KCNK5: variants seen among roughly 807,000 people sequenced by gnomAD.
KCNK5 encodes potassium channel subfamily K member 5.
In KCNK5, 18 loss-of-function variants were observed where a neutral mutation model predicts 32.9. That is an observed-to-expected ratio of 0.55 (90% confidence interval 0.38 to 0.81). KCNK5 has a LOEUF of 0.81. Ranked by LOEUF, KCNK5 falls within the 30% of genes least tolerant of loss-of-function variation. The pLI is 0.00. For synonymous variants in KCNK5, 276 were observed against 275.3 expected (o/e 1.00, Z -0.03); for missense variants, 507 against 651.0 (o/e 0.78, Z 2.41).
intron 1 of KCNK5, among the ~76,000 whole-genome samples, chr6:39,204,817 C>T (rs962412021): frequency 6.6e-6 from 1 of 152,244 alleles, no homozygotes; most frequent in Non-Finnish European, 1.5e-5. Flanking sequence ...GGGCTTCCCC[C>T]AGCCTGCCCT....
At chr6:39,217,252 A>T (rs1272123107) in intron 1 of KCNK5, among the ~76,000 whole-genome samples, 10 of 151,276 alleles carry the variant, frequency 6.6e-5, no homozygotes, top group Non-Finnish European at 2.9e-5. Flanking sequence ...GCTGACTGGG[A>T]TCAACGGCAG....
intron 1 of KCNK5, among the ~76,000 whole-genome samples, chr6:39,200,687 T>C (rs1200126104): frequency 1.3e-5 from 2 of 152,194 alleles, no homozygotes; most frequent in African/African-American, 4.8e-5. Context: ...TCTGACCAGC[T>C]CTCATGCTGT....
chr6:39,226,082 GA>G (rs1403901800), intron 1 of KCNK5, among the ~76,000 whole-genome samples: 17 of 152,238 alleles, frequency 1.1e-4, no homozygotes, highest in Admixed American at 5.2e-4. Context: ...TACATGGCTT[GA>G]TGGGTAAATG....
intron 1 of KCNK5, among the ~76,000 whole-genome samples, chr6:39,197,557 T>A (rs764186015): frequency 2.0e-5 from 3 of 152,222 alleles, no homozygotes; most frequent in Non-Finnish European, 4.4e-5. Context: ...CATTTCAATG[T>A]GAAATGGCTA....
intron 1 of KCNK5, among the ~76,000 whole-genome samples, chr6:39,202,296 C>T (rs1294126766): frequency 2.6e-5 from 4 of 152,198 alleles, no homozygotes; most frequent in African/African-American, 9.7e-5. Context: ...CTAAATTCAT[C>T]AGTTAAACAA....
chr6:39,217,956 G>T (rs868702963), intron 1 of KCNK5, among the ~76,000 whole-genome samples: 1 of 152,130 alleles, frequency 6.6e-6, no homozygotes. Flanking sequence ...TGGTGCTCAA[G>T]ATCACAGGAA....
intron 1 of KCNK5, among the ~76,000 whole-genome samples, chr6:39,214,831 A>G (rs73731728): frequency 0.031 from 4,718 of 152,278 alleles, 138 homozygotes; most frequent in African/African-American, 0.08. Context: ...ACCTTGAAGC[A>G]CACAGGCCCT....
In KCNK5 at chr6:39,191,840, G is replaced by T; in HGVS notation, c.635-85C>A. On this transcript the variant is annotated intron_variant, in intron 4 of 4. Transcript: ENST00000359534. The surrounding 1 kb of genome is among the most constrained non-coding windows in gnomAD (Gnocchi z 5.8). Reference sequence around the variant, plus strand: ...TGGCCAATGCTGTGTGATCTGAGCAGGGGTCAGGCCAGAGCACAGGACGGG... The same window carrying T: ...TGGCCAATGCTGTGTGATCTGAGCATGGGTCAGGCCAGAGCACAGGACGGG... 1 of 1,455,202 alleles carries T rather than the reference G, an allele frequency of 6.9e-7. No individual in the cohort carries two copies. Among genetic ancestry groups the T allele is most frequent in the Non-Finnish European group, 9.4e-7 (1 of 1,065,406 alleles). The allele number at this position is 1,455,202 out of a possible 1,614,324, so 90.1% of individuals were successfully genotyped here. A position where few individuals can be genotyped will look rare whatever the true frequency, so the allele number is the denominator to read the frequency against.
intron 1 of KCNK5, among the ~76,000 whole-genome samples, chr6:39,216,748 G>A (rs1184482934): frequency 6.6e-6 from 1 of 152,120 alleles, no homozygotes; most frequent in African/African-American, 2.4e-5. Context: ...ATGCGGGGCT[G>A]GTGTGACTAT....
rs1209798524 is a variant in KCNK5, at chr6:39,229,006, T to C, written c.106A>G (p.Lys36Glu). The C allele has an allele frequency of 4.3e-6, 7 of 1,614,008 alleles. No individual in the cohort carries two copies. Among genetic ancestry groups the C allele is most frequent in the Middle Eastern group, 1.6e-4 (1 of 6,084 alleles). The change falls in exon 1 of 5, where the codon AAA becomes GAA. Residue 36 changes from lysine to glutamate, a missense_variant. Physicochemically the swap from Lys to Glu is moderately conservative, Grantham distance 56. This residue lies in a region of KCNK5 where 143 missense variants were observed against 219.1 expected (regional missense o/e 0.65). Coordinates refer to ENST00000359534, the MANE Select transcript of KCNK5 (RefSeq NM_003740.4). ...TGCAGCTTCTGTGTGTAGTAGTTTT[T>C]CTTGGCCTCCTTCCAGTGTGGCTCC... ...LEEPHWKEAKKNYYTQKLHLL... is the reference protein window; with the variant it reads ...LEEPHWKEAKENYYTQKLHLL...
chr6:39,191,416 G>C lies in KCNK5; in HGVS notation c.974C>G (p.Pro325Arg), dbSNP rs1770932308. 1.2e-6 allele frequency: 2 copies of C among 1,613,220 alleles called. No homozygotes were observed. Among genetic ancestry groups the C allele is most frequent in the Non-Finnish European group, 1.7e-6 (2 of 1,179,962 alleles). ...TSGGGETGPGPGLGPQGGGLP... is the reference protein window; with the variant it reads ...TSGGGETGPGRGLGPQGGGLP... Reference sequence around the variant, plus strand: ...CCCACCGCCTTGAGGCCCCAGCCCTGGGCCCGGGCCCGTCTCCCCACCCCC... The same window carrying C: ...CCCACCGCCTTGAGGCCCCAGCCCTCGGCCCGGGCCCGTCTCCCCACCCCC... The change falls in exon 5 of 5, where the codon CCA becomes CGA. Residue 325 changes from proline to arginine, a missense_variant. By Grantham distance (103) the Pro-to-Arg change is moderately radical. Coordinates refer to ENST00000359534, the MANE Select transcript of KCNK5 (RefSeq NM_003740.4). The surrounding 1 kb of genome is among the most constrained non-coding windows in gnomAD (Gnocchi z 5.8).
At chr6:39,200,119 G>A (rs931564278) in intron 1 of KCNK5, among the ~76,000 whole-genome samples, 3 of 152,244 alleles carry the variant, frequency 2.0e-5, no homozygotes, top group Admixed American at 1.3e-4. Context: ...TAAACACCCT[G>A]TCAGACAAGG....
chr6:39,192,594 A>T (rs1219594626), intron 4 of KCNK5, among the ~76,000 whole-genome samples: 1 of 152,184 alleles, frequency 6.6e-6, no homozygotes, highest in Non-Finnish European at 1.5e-5. Flanking sequence ...CCACCGTGGC[A>T]AGAAACGCTG....
chr6:39,195,467 A>T (rs1356880661), intron 2 of KCNK5, among the ~76,000 whole-genome samples: 4 of 152,228 alleles, frequency 2.6e-5, no homozygotes, highest in Admixed American at 2.0e-4. Flanking sequence ...CAGCCAGCTG[A>T]GCCCAGTCAA....
In KCNK5 at chr6:39,194,258, A is replaced by C; in HGVS notation, c.545T>G (p.Phe182Cys). The C allele has an allele frequency of 6.2e-7, 1 of 1,614,082 alleles. No homozygotes were observed. The highest frequency in any genetic ancestry group is 1.1e-5 in the South Asian group (1 of 91,080). ...GTAGTTCCACCCCTCAGTCACCATG[A>C]ATACGAAGGGTGGGATCACCAGGTG... The part of the protein sequence containing the change: ...LVHLVIPPFV[F>C]MVTEGWNYIE... Residue 182 changes from phenylalanine (F) to cysteine (C), a missense_variant, in exon 4 of 5, where the codon TTC (phenylalanine) becomes TGC (cysteine). Around this residue, in one of 6 missense-constraint regions of KCNK5, gnomAD observed 22 missense variants for 19.8 expected, o/e 1.11. Coordinates refer to ENST00000359534, the MANE Select transcript of KCNK5 (RefSeq NM_003740.4). This position sits in a 1 kb window ranked among gnomAD's most constrained non-coding sequence, Gnocchi z 4.7.
At chr6:39,222,676 A>C (rs1277611769) in intron 1 of KCNK5, among the ~76,000 whole-genome samples, 3 of 152,210 alleles carry the variant, frequency 2.0e-5, no homozygotes, top group Non-Finnish European at 4.4e-5. Context: ...GTTCTTTAGA[A>C]GTTTGGTTGA....
At position 39,229,446 on chromosome 6, in the gene KCNK5, T is replaced by A. The variant is rs1156557665; in HGVS notation, c.-335A>T. On this transcript the variant is annotated 5_prime_UTR_variant, in exon 1 of 5. Coordinates refer to ENST00000359534, the MANE Select transcript of KCNK5 (RefSeq NM_003740.4). ...GACACGTGGGCCGCTTCTCCACGCG[T>A]CGCTCCTCCGCGCGCCACTAGCAGT... 3.7e-6 allele frequency: 1 copy of A among 271,606 alleles called. No individual in the cohort carries two copies. Among genetic ancestry groups the A allele is most frequent in the African/African-American group, 2.2e-5 (1 of 45,238 alleles). The allele number at this position is 271,606 out of a possible 1,614,324, so 16.8% of individuals were successfully genotyped here.
At chr6:39,228,695 T>C in intron 1 of KCNK5, among the ~76,000 whole-genome samples, 1 of 152,270 alleles carries the variant, frequency 6.6e-6, no homozygotes, top group Middle Eastern at 3.4e-3. Flanking sequence ...CCAATTTGTC[T>C]CCGGCCAAAC....
intron 1 of KCNK5, among the ~76,000 whole-genome samples, chr6:39,223,312 G>C (rs962910739): frequency 6.6e-6 from 1 of 152,196 alleles, no homozygotes; most frequent in African/African-American, 2.4e-5. Context: ...ACACCACCAA[G>C]GCCCCGCAGT....
Sources: allele counts gnomAD v4.1 joint callset (sites outside exome capture counted in the v4.1 genomes callset), GRCh38; gene constraint gnomAD v4.1.1; regional missense constraint gnomAD v4.1.1; non-coding constraint Gnocchi (gnomAD v3.1); transcripts MANE v1.5; gene names NCBI Gene and HGNC (gene_info 2026-07-23, HGNC 2026-07-21).